Variants in SPATA16 observed in about 807,000 individuals in gnomAD.
The protein encoded by SPATA16 is spermatogenesis-associated protein 16.
In SPATA16, 36 loss-of-function variants were observed where a neutral mutation model predicts 63.3. The observed-to-expected ratio is 0.57, with a 90% CI of 0.44 to 0.75. The LOEUF is 0.75. Among genes scored for constraint, SPATA16 ranks in the 30% least tolerant of loss-of-function variants. SPATA16 has a pLI of 0.00. For missense variants in SPATA16, 646 were observed against 679.3 expected (o/e 0.95, Z 0.54); for synonymous variants, 203 against 216.7 (o/e 0.94, Z 0.56).
At chr3:172,982,918 A>G (rs1734354208) in intron 4 of SPATA16, among the ~76,000 whole-genome samples, 1 of 151,740 alleles carries the variant, frequency 6.6e-6, no homozygotes, top group Admixed American at 6.5e-5. Flanking sequence ...GTGTAAAACA[A>G]TAAGATATGG....
chr3:173,123,529 G>T (rs902738664), intron 1 of SPATA16, among the ~76,000 whole-genome samples: 2 of 151,554 alleles, frequency 1.3e-5, no homozygotes, highest in Non-Finnish European at 2.9e-5. Context: ...CCTCTAAAAT[G>T]ATAACAAAAC....
At chr3:173,030,843 A>G (rs1423913492) in intron 3 of SPATA16, among the ~76,000 whole-genome samples, 1 of 152,080 alleles carries the variant, frequency 6.6e-6, no homozygotes, top group Non-Finnish European at 1.5e-5. Flanking sequence ...CCATTGATGG[A>G]TGAATGGATT....
chr3:172,951,541 A>G (rs1402440684), intron 6 of SPATA16, among the ~76,000 whole-genome samples: 1 of 152,198 alleles, frequency 6.6e-6, no homozygotes, highest in Non-Finnish European at 1.5e-5. Flanking sequence ...GAATGAATTA[A>G]TTTTATACTT....
Position 173,066,088 on chromosome 3 carries a change from G to A in SPATA16, c.613-16994C>T, listed in dbSNP as rs181206423. 3.2e-3 allele frequency among the ~76,000 whole-genome samples: 486 copies of A among 152,282 alleles called. 3 individuals are homozygous for A. The highest frequency in any genetic ancestry group is 8.8e-3 in the Admixed American group (135 of 15,306). On this transcript the variant is annotated intron_variant, in intron 2 of 10. Coordinates refer to ENST00000351008, the MANE Select transcript of SPATA16 (RefSeq NM_031955.6). Reference sequence around the variant, plus strand: ...TTCCACTTGGGGGAAGGAGAAAGAAGAGTGCAGTGGACTGTGCCTCACAAT... The same window carrying A: ...TTCCACTTGGGGGAAGGAGAAAGAAAAGTGCAGTGGACTGTGCCTCACAAT...
chr3:172,920,190 T>C (rs1269711442), intron 8 of SPATA16, among the ~76,000 whole-genome samples: 1 of 152,242 alleles, frequency 6.6e-6, no homozygotes, highest in Non-Finnish European at 1.5e-5. Context: ...ATCACTACTC[T>C]GAGCCACAGT....
chr3:172,894,106 C>T (rs539957139), intron 10 of SPATA16, among the ~76,000 whole-genome samples: 4 of 152,048 alleles, frequency 2.6e-5, no homozygotes, highest in African/African-American at 9.7e-5. Context: ...AAAATCCTCT[C>T]GGTAAAACAG....
chr3:173,029,909 T>C (rs1480523811), intron 3 of SPATA16, among the ~76,000 whole-genome samples: 2 of 151,970 alleles, frequency 1.3e-5, no homozygotes, highest in Non-Finnish European at 2.9e-5. Flanking sequence ...CATTCAGAAA[T>C]TATGGATAGC....
In SPATA16 at chr3:172,913,743, A is replaced by C; in HGVS notation, c.1505T>G (p.Leu502Arg). The C allele has an allele frequency of 6.2e-7, 1 of 1,613,320 alleles. No homozygotes were observed. Among genetic ancestry groups the C allele is most frequent in the Non-Finnish European group, 8.5e-7 (1 of 1,179,448 alleles). ...QDISQQEAEL[L>R]QSLMADAMDT... Reference sequence around the variant, plus strand: ...CATAGCATCTGCCATTAGTGACTGCAGCTGTGGCACCAAGATAAAAATTAT... The same window carrying C: ...CATAGCATCTGCCATTAGTGACTGCCGCTGTGGCACCAAGATAAAAATTAT... Residue 502 changes from leucine to arginine, a missense_variant and splice_region_variant, in exon 10 of 11, where the codon CTG becomes CGG. Transcript: ENST00000351008.
intron 1 of SPATA16, among the ~76,000 whole-genome samples, chr3:173,139,361 TATA>T (rs780479663): frequency 1.3e-5 from 2 of 152,244 alleles, no homozygotes; most frequent in Non-Finnish European, 2.9e-5. Context: ...GCTAGACTGC[TATA>T]ATATTTTATT....
intron 5 of SPATA16, among the ~76,000 whole-genome samples, chr3:172,973,215 A>G (rs1412572069): frequency 3.3e-5 from 5 of 152,194 alleles, no homozygotes; most frequent in African/African-American, 1.2e-4. Flanking sequence ...CTGACTGTGT[A>G]TAGGAGATCA....
chr3:173,017,146 C>G (rs555820092), intron 4 of SPATA16, among the ~76,000 whole-genome samples: 1 of 152,206 alleles, frequency 6.6e-6, no homozygotes, highest in African/African-American at 2.4e-5. Flanking sequence ...TGACCTTATA[C>G]TGTATATTGA....
In SPATA16 at chr3:172,901,375, T is replaced by G. The variant is rs191687536; in HGVS notation, c.1588-11683A>C. 6.2e-4 allele frequency among the ~76,000 whole-genome samples: 95 copies of G among 152,288 alleles called. 3 individuals are homozygous for G. The East Asian group carries it at 0.012, about 20-fold the overall frequency. On this transcript the variant is annotated intron_variant, in intron 10 of 10. Transcript: ENST00000351008. ...CCATCATGCCTTGCTAATTTTTGTA[T>G]TTTTAGTAGAGATGGAGTTTTGCCA... is the stretch of plus-strand genomic sequence containing the variant.
intron 2 of SPATA16, among the ~76,000 whole-genome samples, chr3:173,050,756 T>G (rs375824888): frequency 5.3e-5 from 8 of 152,294 alleles, no homozygotes; most frequent in Admixed American, 1.3e-4. Flanking sequence ...CATAAAACAC[T>G]ACTCTCAATA....
chr3:173,127,440 G>A (rs1738253605), intron 1 of SPATA16, among the ~76,000 whole-genome samples: 1 of 152,116 alleles, frequency 6.6e-6, no homozygotes, highest in African/African-American at 2.4e-5. Flanking sequence ...TCTCAATAAT[G>A]TCCTCTTAGG....
At chr3:173,022,602 A>G (rs982012961) in intron 3 of SPATA16, among the ~76,000 whole-genome samples, 4 of 152,148 alleles carry the variant, frequency 2.6e-5, no homozygotes, top group African/African-American at 9.7e-5. Context: ...TTTTAAAGAT[A>G]TATTTTATGT....
At chr3:172,948,809 G>A (rs2109615010) in intron 6 of SPATA16, among the ~76,000 whole-genome samples, 1 of 152,184 alleles carries the variant, frequency 6.6e-6, no homozygotes, top group Admixed American at 6.5e-5. Context: ...CTATTCATAG[G>A]ACAGAATATT....
In SPATA16 at chr3:173,015,818, A is replaced by C. The variant is rs543518689; in HGVS notation, c.848+3668T>G. Reference sequence around the variant, plus strand: ...ACAGTCTTGGCTTTTCTTTGATTTTATGTCTTTGAATATTTTCTTCTCATG... The same window carrying C: ...ACAGTCTTGGCTTTTCTTTGATTTTCTGTCTTTGAATATTTTCTTCTCATG... On this transcript the variant is annotated intron_variant, in intron 4 of 10. Transcript: ENST00000351008. Among the ~76,000 whole-genome samples the C allele has an allele frequency of 2.2e-4, 33 of 151,118 alleles. No homozygotes were observed. In the South Asian group the frequency reaches 6.9e-3, roughly 32 times the overall value.
At chr3:173,048,024 A>C (rs1380127988) in intron 3 of SPATA16, among the ~76,000 whole-genome samples, 1 of 152,136 alleles carries the variant, frequency 6.6e-6, no homozygotes, top group Non-Finnish European at 1.5e-5. Context: ...TTACCATACT[A>C]ATAAATCTCC....
intron 2 of SPATA16, among the ~76,000 whole-genome samples, chr3:173,106,952 G>A (rs956638869): frequency 6.6e-6 from 1 of 152,146 alleles, no homozygotes; most frequent in Non-Finnish European, 1.5e-5. Context: ...GAATTAGATA[G>A]GTTAATATAG....
Sources: allele counts gnomAD v4.1 joint callset (sites outside exome capture counted in the v4.1 genomes callset), GRCh38; gene constraint gnomAD v4.1.1; transcripts MANE v1.5; gene names NCBI Gene and HGNC (gene_info 2026-07-23, HGNC 2026-07-21).